Variants in SLC25A17 observed in about 807,000 individuals in gnomAD.
SLC25A17 encodes peroxisomal membrane protein PMP34.
Under a neutral mutation model 38.5 loss-of-function variants are expected in SLC25A17, and 26 were observed. That is an observed-to-expected ratio of 0.68 (90% CI 0.50 to 0.94). The LOEUF (loss-of-function observed/expected upper bound fraction) is 0.94. Ranked by LOEUF, SLC25A17 falls within the 40% of genes least tolerant of loss-of-function variation. SLC25A17 has a pLI of 0.00. For synonymous variants in SLC25A17, 139 were observed against 136.2 expected (o/e 1.02, Z -0.14); for missense variants, 333 against 372.7 (o/e 0.89, Z 0.88).
intron 1 of SLC25A17, among the ~76,000 whole-genome samples, chr22:40,810,508 C>T (rs1048670088): frequency 4.6e-5 from 7 of 151,940 alleles, no homozygotes; most frequent in African/African-American, 1.2e-4. Context: ...CCACTACGCC[C>T]GGCTGATTTT....
intron 1 of SLC25A17, chr22:40,817,424 A>G (rs2057653130): frequency 6.6e-6 from 1 of 152,100 alleles, no homozygotes; most frequent in Non-Finnish European, 1.5e-5. Flanking sequence ...GTCCATACAC[A>G]CTTCCCTAGT....
intron 4 of SLC25A17, among the ~76,000 whole-genome samples, chr22:40,792,030 A>G (rs1417106322): frequency 6.6e-6 from 1 of 152,250 alleles, no homozygotes; most frequent in Non-Finnish European, 1.5e-5. Flanking sequence ...ATATATACAT[A>G]TAATGGAATA....
At chr22:40,793,690 G>A (rs2057403237) in intron 3 of SLC25A17, among the ~76,000 whole-genome samples, 1 of 151,776 alleles carries the variant, frequency 6.6e-6, no homozygotes, top group South Asian at 2.1e-4. Context: ...TCGGCTCACC[G>A]CAACCTCCAC....
chr22:40,808,544 A>G (rs115901464), intron 1 of SLC25A17, among the ~76,000 whole-genome samples: 2,815 of 152,364 alleles, frequency 0.018, 82 homozygotes, highest in African/African-American at 0.063. Flanking sequence ...ACACACACAC[A>G]TAAGATCTGG....
Position 40,803,455 on chromosome 22 carries a change from A to G in SLC25A17, c.55-4372T>C, listed in dbSNP as rs370051466. ...TCACTTAACATAATATTTATTGTCC[A>G]GGTTCATCCATGTCACCACAAATGG... On this transcript the variant is annotated intron_variant, in intron 1 of 8. Coordinates refer to ENST00000435456, the MANE Select transcript of SLC25A17 (RefSeq NM_006358.4). Among the ~76,000 whole-genome samples, 305 of 152,326 alleles carry G rather than the reference A, an allele frequency of 2.0e-3. 2 individuals are homozygous for G. Among genetic ancestry groups the G allele is most frequent in the South Asian group, 5.0e-3 (24 of 4,832 alleles).
chr22:40,788,558 GTGTGCGCC>G (rs2057358130), intron 4 of SLC25A17, among the ~76,000 whole-genome samples: 1 of 152,146 alleles, frequency 6.6e-6, no homozygotes, highest in Non-Finnish European at 1.5e-5. Flanking sequence ...AGGCGTGGTG[GTGTGCGCC>G]TGTAATTCCA....
chr22:40,777,116 A>C lies in SLC25A17; in HGVS notation c.617T>G (p.Phe206Cys). 6.2e-7 allele frequency: 1 copy of C among 1,614,182 alleles called. No homozygotes were observed. The highest frequency in any genetic ancestry group is 8.5e-7 in the Non-Finnish European group (1 of 1,180,034). ...CGCTTTGGCTACTGCACCAATGATGAACACATCCAAGGAAGAAAGCTGGAA... is the reference window on the plus strand; with the variant it reads ...CGCTTTGGCTACTGCACCAATGATGCACACATCCAAGGAAGAAAGCTGGAA... ...KRMKLSSLDV[F>C]IIGAVAKAIA... The change falls in exon 7 of 9, where the codon TTC becomes TGC. Residue 206 changes from phenylalanine (F) to cysteine (C), a missense_variant. Phe to Cys is a radical substitution (Grantham distance 205). Coordinates refer to ENST00000435456, the MANE Select transcript of SLC25A17 (RefSeq NM_006358.4).
At chr22:40,808,154 C>G (rs951279349) in intron 1 of SLC25A17, among the ~76,000 whole-genome samples, 7 of 152,114 alleles carry the variant, frequency 4.6e-5, no homozygotes, top group Admixed American at 2.0e-4. Flanking sequence ...GGAGTTCTAA[C>G]GCTGACAGCA....
chr22:40,818,034 T>C (rs1480807955), intron 1 of SLC25A17, among the ~76,000 whole-genome samples: 1 of 152,196 alleles, frequency 6.6e-6, no homozygotes, highest in African/African-American at 2.4e-5. Context: ...TTCCCCCACT[T>C]TACAGATTAA....
At chr22:40,774,226 CTT>C (rs568552474) in intron 7 of SLC25A17, among the ~76,000 whole-genome samples, 19 of 138,540 alleles carry the variant, frequency 1.4e-4, no homozygotes, top group Admixed American at 2.2e-4. Flanking sequence ...AAAATTTTTC[CTT>C]TTTTTTTTTT....
At chr22:40,808,893 G>T (rs1436584008) in intron 1 of SLC25A17, among the ~76,000 whole-genome samples, 4 of 152,158 alleles carry the variant, frequency 2.6e-5, no homozygotes, top group Admixed American at 2.0e-4. Flanking sequence ...TTCTCTCACA[G>T]TGTGTAGCAA....
At chr22:40,794,414 G>T (rs2145678389) in intron 3 of SLC25A17, 100 bp downstream of exon 3, 1 of 702,894 alleles carries the variant, frequency 1.4e-6, no homozygotes, top group South Asian at 1.7e-5. Flanking sequence ...CACAACATTA[G>T]AGTGCTGTGA....
rs934319625 is a variant in SLC25A17 at position 40,819,108 on chromosome 22, C to G, written c.54+87G>C. 111 of 1,430,974 alleles carry G rather than the reference C, an allele frequency of 7.8e-5. 1 individual carries two copies. Among genetic ancestry groups the G allele is most frequent in the Non-Finnish European group, 1.1e-4 (110 of 1,026,864 alleles). The allele number at this position is 1,430,974 out of a possible 1,614,324, so 88.6% of individuals were successfully genotyped here. On this transcript the variant is annotated intron_variant, in intron 1 of 8. Coordinates refer to ENST00000435456, the MANE Select transcript of SLC25A17 (RefSeq NM_006358.4). ...ACCCCAACCCACACTACCTCCCTCT[C>G]AGACCCATCCCTCAGGCATATCCCG...
rs1195839387 is a variant in SLC25A17, at chr22:40,792,415, A to G, written c.334+110T>C. ...ATTAAAAAAAAAAAAACCAAGTTGG[A>G]AAACTGGCTATATTCTTTGTAAGCA... On this transcript the variant is annotated intron_variant, in intron 4 of 8. Coordinates refer to ENST00000435456, the MANE Select transcript of SLC25A17 (RefSeq NM_006358.4). The G allele has an allele frequency of 4.6e-6, 4 of 878,714 alleles. No individual in the cohort carries two copies. In the African/African-American group the frequency reaches 5.1e-5, roughly 11 times the overall value. The allele number at this position is 878,714 out of a possible 1,614,324, so 54.4% of individuals were successfully genotyped here.
chr22:40,775,720 C>A (rs1051825750), intron 7 of SLC25A17, among the ~76,000 whole-genome samples: 10 of 152,078 alleles, frequency 6.6e-5, no homozygotes, highest in Admixed American at 2.0e-4. Context: ...GCCTCGGCCT[C>A]CCAAAGTGCT....
chr22:40,809,792 C>T (rs554452153), intron 1 of SLC25A17, among the ~76,000 whole-genome samples: 3 of 152,048 alleles, frequency 2.0e-5, no homozygotes, highest in South Asian at 4.1e-4. Context: ...TGAACAGAGG[C>T]CATTAACTAC....
intron 4 of SLC25A17, 59 bp downstream of exon 4, chr22:40,792,466 G>A (rs1335426694): frequency 1.4e-6 from 2 of 1,430,702 alleles, no homozygotes; most frequent in Non-Finnish European, 9.5e-7. Flanking sequence ...TAACCTCTTA[G>A]AGGATATAAA....
At chr22:40,811,460 C>T (rs188337234) in intron 1 of SLC25A17, among the ~76,000 whole-genome samples, 2 of 151,374 alleles carry the variant, frequency 1.3e-5, no homozygotes, top group East Asian at 3.9e-4. Context: ...GACAGGGTCT[C>T]ATTCTGTCGC....
At chr22:40,772,687 A>C (rs929389470) in intron 8 of SLC25A17, among the ~76,000 whole-genome samples, 1 of 150,876 alleles carries the variant, frequency 6.6e-6, no homozygotes, top group Non-Finnish European at 1.5e-5. Flanking sequence ...CCCAGGCTGG[A>C]GTACAGTGGT....
Sources: gnomAD v4.1 joint callset for allele counts (sites outside exome capture counted in the v4.1 genomes callset) on GRCh38, gnomAD v4.1.1 for gene constraint, MANE v1.5 for transcripts, NCBI Gene and HGNC (gene_info 2026-07-23, HGNC 2026-07-21) for gene names.